Variants in TEX11 observed in about 807,000 individuals in gnomAD.
TEX11 encodes the protein testis-expressed protein 11.
Under a neutral mutation model 84.4 loss-of-function variants are expected in TEX11, and 7 were observed. That is an observed-to-expected ratio of 0.08 (90% CI 0.05 to 0.16). The LOEUF (loss-of-function observed/expected upper bound fraction) is 0.16. TEX11 is among the 10% of genes least tolerant of loss of function. TEX11 has a pLI of 1.00. For synonymous variants in TEX11, 264 were observed against 222.8 expected, an observed-to-expected ratio of 1.18 and a Z score of -1.64; for missense variants, 551 against 660.5, an observed-to-expected ratio of 0.83 and a Z score of 1.82.
At chrX:70,620,548 G>A (rs1179666862) in intron 20 of TEX11, among the ~76,000 whole-genome samples, 1 of 111,290 alleles carries the variant, frequency 9.0e-6, no homozygotes, top group Non-Finnish European at 1.9e-5. Flanking sequence ...ACAGTCTACC[G>A]GTTTCTCACA....
chrX:70,513,146 G>A, the TEX11 span, among the ~76,000 whole-genome samples: 2 of 107,891 alleles, frequency 1.9e-5, 1 homozygote, highest in African/African-American at 6.9e-5. Context: ...CTGAGGTCGG[G>A]AGTTCAAGAC....
In TEX11 at chrX:70,701,188, C is replaced by T. The variant is rs148638829; in HGVS notation, c.1005-18363G>A. Among the ~76,000 whole-genome samples the T allele has an allele frequency of 4.7e-3, 533 of 112,363 alleles. 2 individuals are homozygous for T. Among genetic ancestry groups the T allele is most frequent in the Non-Finnish European group, 7.9e-3 (419 of 53,239 alleles). ...TTTCAACATAGATGAAACATTCTTA[C>T]ATTGGAAGAAGATGCCATCTAGAAC... is the stretch of plus-strand genomic sequence containing the variant. On this transcript the variant is annotated intron_variant, in intron 13 of 29. Transcript: ENST00000374333.
intron 13 of TEX11, among the ~76,000 whole-genome samples, chrX:70,703,149 T>A (rs1236170303): frequency 9.0e-6 from 1 of 111,497 alleles, no homozygotes; most frequent in Non-Finnish European, 1.9e-5. Flanking sequence ...AGCTGGCTAA[T>A]GGTGGAACAA....
intron 9 of TEX11, among the ~76,000 whole-genome samples, chrX:70,788,440 T>A (rs182950283): frequency 3.9e-4 from 43 of 110,702 alleles, no homozygotes; most frequent in Non-Finnish European, 3.4e-4. Context: ...ACAAATGATG[T>A]TGGGAAAGCT....
At chrX:70,761,695 C>T (rs779987255) in intron 9 of TEX11, among the ~76,000 whole-genome samples, 1 of 111,625 alleles carries the variant, frequency 9.0e-6, no homozygotes, top group Non-Finnish European at 1.9e-5. Flanking sequence ...GCATGTTGTT[C>T]ACATGTACCC....
chrX:70,793,756 G>A (rs1386860804), intron 9 of TEX11, among the ~76,000 whole-genome samples: 1 of 110,623 alleles, frequency 9.0e-6, no homozygotes, highest in Non-Finnish European at 1.9e-5. Context: ...ATCCTAGCCA[G>A]ACCGATCAGG....
At chrX:70,616,056 G>A (rs2089314002) in intron 20 of TEX11, among the ~76,000 whole-genome samples, 1 of 111,256 alleles carries the variant, frequency 9.0e-6, no homozygotes, top group Admixed American at 9.6e-5. Context: ...AGAAATGAAA[G>A]GATGTTAATG....
intron 17 of TEX11, among the ~76,000 whole-genome samples, chrX:70,639,302 A>C (rs1353195139): frequency 8.9e-6 from 1 of 111,848 alleles, no homozygotes; most frequent in Non-Finnish European, 1.9e-5. Flanking sequence ...CTAGCACAGC[A>C]GTCTGAGATC....
At position 70,565,563 on chromosome X, in the gene TEX11, C is replaced by T. The variant is rs769534472; in HGVS notation, c.2141-10763G>A. Among the ~76,000 whole-genome samples, 171 of 111,314 alleles carry T rather than the reference C, an allele frequency of 1.5e-3. 1 individual carries two copies. The highest frequency in any genetic ancestry group is 5.5e-3 in the African/African-American group (168 of 30,501). On this transcript the variant is annotated intron_variant, in intron 25 of 29. Transcript: ENST00000374333. ...TCTAACGTTTAAGTCTTTAATCCAT[C>T]GTGAATTGATTTTTGTATAAGGGGT...
At chrX:70,858,520 A>G (rs1399398775) in intron 5 of TEX11, among the ~76,000 whole-genome samples, 1 of 110,291 alleles carries the variant, frequency 9.1e-6, no homozygotes, top group Non-Finnish European at 1.9e-5. Flanking sequence ...GAAAAAATAG[A>G]AAATAAATAA....
chrX:70,899,643 C>G (rs1013206495), intron 2 of TEX11, among the ~76,000 whole-genome samples: 2 of 107,492 alleles, frequency 1.9e-5, no homozygotes, highest in African/African-American at 6.7e-5. Context: ...CACCGTGGCT[C>G]ACACCTGTAA....
At chrX:70,719,234 A>T (rs2090534718) in intron 13 of TEX11, among the ~76,000 whole-genome samples, 1 of 112,152 alleles carries the variant, frequency 8.9e-6, no homozygotes, top group African/African-American at 3.2e-5. Flanking sequence ...TGAATTATAC[A>T]ATTAATACAC....
At position 70,893,809 on chromosome X, in the gene TEX11, CAGAAT is replaced by C. The variant is rs57150721; in HGVS notation, c.38-13705_38-13701del. 6.2e-3 allele frequency among the ~76,000 whole-genome samples: 686 copies of C among 111,324 alleles called. 4 individuals carry two copies. The highest frequency in any genetic ancestry group is 9.8e-3 in the Non-Finnish European group (522 of 53,022). ...GGAGCTGGTTTTTTGAAAAGATTAA[CAGAAT>C]AGATAGACCACTAGCTAGACTAATA... On this transcript the variant is annotated intron_variant, in intron 2 of 29. Transcript: ENST00000374333.
intron 18 of TEX11, 142 bp downstream of exon 18, chrX:70,629,469 T>C: frequency 4.7e-6 from 3 of 640,175 alleles, no homozygotes; most frequent in Non-Finnish European, 7.1e-6. Context: ...ATAAAGCAGT[T>C]CTGCAACCAA....
At chrX:70,904,418 C>T (rs1042479325) in intron 2 of TEX11, among the ~76,000 whole-genome samples, 8 of 111,908 alleles carry the variant, frequency 7.1e-5, no homozygotes, top group African/African-American at 2.6e-4. Flanking sequence ...TATGGGAACT[C>T]TCTGCACTAT....
chrX:70,731,531 C>A (rs1195648790), intron 11 of TEX11, among the ~76,000 whole-genome samples: 1 of 111,625 alleles, frequency 9.0e-6, no homozygotes, highest in Non-Finnish European at 1.9e-5. Flanking sequence ...AACACCTCCA[C>A]GCAAATAAAC....
At chrX:70,904,723 T>A (rs1158240930) in intron 2 of TEX11, among the ~76,000 whole-genome samples, 1 of 111,893 alleles carries the variant, frequency 8.9e-6, no homozygotes, top group African/African-American at 3.2e-5. Flanking sequence ...GCACTTGAAA[T>A]GTGGCTGATC....
At chrX:70,900,924 A>G (rs2091799911) in intron 2 of TEX11, among the ~76,000 whole-genome samples, 1 of 111,261 alleles carries the variant, frequency 9.0e-6, no homozygotes, top group Admixed American at 9.7e-5. Context: ...AGCCTGGGCA[A>G]TGGAGTGAGA....
chrX:70,832,142 T>C (rs1460465838), intron 8 of TEX11, among the ~76,000 whole-genome samples: 1 of 111,448 alleles, frequency 9.0e-6, no homozygotes, highest in Non-Finnish European at 1.9e-5. Context: ...ATTTCTTCTG[T>C]GGTTTTCTGG....
Sources: allele counts gnomAD v4.1 joint callset (sites outside exome capture counted in the v4.1 genomes callset), GRCh38; gene constraint gnomAD v4.1.1; transcripts MANE v1.5; gene names NCBI Gene and HGNC (gene_info 2026-07-23, HGNC 2026-07-21).